The following CDH26 variants were observed in gnomAD, a reference collection of about 807,000 sequenced individuals.
The protein encoded by CDH26 is cadherin 26.
CDH26 carries 83 observed loss-of-function variants against 90.3 expected under a neutral mutation model. The ratio of observed to expected loss-of-function variants is 0.92; its 90% CI spans 0.77 to 1.10. The LOEUF is 1.10. Among genes scored for constraint, CDH26 ranks in the 50% least tolerant of loss-of-function variants. CDH26 has a pLI of 0.00. For synonymous variants in CDH26, 397 were observed against 396.3 expected (o/e 1.00, Z -0.02); for missense variants, 1,013 against 1,037.6 (o/e 0.98, Z 0.33).
At chr20:59,991,422 C>G (rs1176969160) in intron 9 of CDH26, among the ~76,000 whole-genome samples, 1 of 152,192 alleles carries the variant, frequency 6.6e-6, no homozygotes, top group Non-Finnish European at 1.5e-5. Flanking sequence ...TCCTCTAGTT[C>G]TGCTTCATCT....
chr20:60,002,504 G>A (rs754076898), intron 15 of CDH26, among the ~76,000 whole-genome samples: 2 of 152,056 alleles, frequency 1.3e-5, no homozygotes, highest in African/African-American at 2.4e-5. Context: ...TGTGCCGCTA[G>A]GCCTGGGTCC....
At position 59,967,943 on chromosome 20, in the gene CDH26, CTTT is replaced by C. The variant is rs1569024638; in HGVS notation, c.70-1023_70-1021del. ...CCTTTCCTTTCCTTTCCCTTTCTTT[CTTT>C]CTTTCTTTCTATCTTTCTTTCTTTC... On this transcript the variant is annotated intron_variant, in intron 1 of 17. Coordinates refer to ENST00000348616, the MANE Select transcript of CDH26 (RefSeq NM_177980.4). Among the ~76,000 whole-genome samples, 138 of 105,916 alleles carry C rather than the reference CTTT, an allele frequency of 1.3e-3. 3 individuals carry two copies. Among genetic ancestry groups the C allele is most frequent in the African/African-American group, 5.8e-3 (104 of 17,900 alleles). 69.5% of individuals were successfully genotyped at this position (105,916 alleles called of 152,430 possible).
downstream of CDH26, among the ~76,000 whole-genome samples, chr20:60,017,753 T>G (rs2061917550): frequency 6.6e-6 from 1 of 152,090 alleles, no homozygotes; most frequent in African/African-American, 2.4e-5. Context: ...TACTTTAAAC[T>G]TGCCTCTTAC....
At chr20:59,981,557 CAT>C (rs2061395286) in intron 4 of CDH26, among the ~76,000 whole-genome samples, 1 of 152,088 alleles carries the variant, frequency 6.6e-6, no homozygotes, top group Non-Finnish European at 1.5e-5. Flanking sequence ...TATCTTGTGA[CAT>C]TGCTGAAATT....
intron 1 of CDH26, among the ~76,000 whole-genome samples, chr20:59,961,302 G>T (rs1163607141): frequency 6.6e-6 from 1 of 152,136 alleles, no homozygotes; most frequent in Non-Finnish European, 1.5e-5. Context: ...GTTGGGTGGG[G>T]GTGGGCAGTG....
intron 17 of CDH26, among the ~76,000 whole-genome samples, 180 bp from the exon 18 acceptor site, chr20:60,012,347 A>G (rs1218328008): frequency 1.3e-5 from 2 of 152,096 alleles, no homozygotes; most frequent in African/African-American, 4.8e-5. Flanking sequence ...GTAAGGTGGG[A>G]TGTCTCCCCT....
intron 8 of CDH26, chr20:60,033,351 G>T (rs374428765): frequency 8.5e-7 from 1 of 1,170,206 alleles, no homozygotes; most frequent in Non-Finnish European, 1.1e-6. Context: ...CCTCCTTCGT[G>T]TACACAGGCT....
At chr20:60,008,152 A>G (rs168982) in intron 17 of CDH26, among the ~76,000 whole-genome samples, 30,876 of 152,162 alleles carry the variant, frequency 0.2, 7,156 homozygotes, top group African/African-American at 0.57. Context: ...ACTCAGGCCT[A>G]TGGAATGATA....
Position 60,030,602 on chromosome 20 carries a change from G to C in CDH26, c.948-629G>C, listed in dbSNP as rs571907311. On this transcript the variant is annotated intron_variant, in intron 7 of 8. Coordinates refer to the CDH26 transcript ENST00000370991. The surrounding 1 kb of genome is among the most constrained non-coding windows in gnomAD (Gnocchi z 4.0). Reference sequence around the variant, plus strand: ...CAGAGATGTGCATTTTACCCAAACTGAGCCAGTGAGAGTGGGGCCCAGGGT... The same window carrying C: ...CAGAGATGTGCATTTTACCCAAACTCAGCCAGTGAGAGTGGGGCCCAGGGT... Among the ~76,000 whole-genome samples, 1 of 152,260 alleles carries C rather than the reference G, an allele frequency of 6.6e-6. No individual in the cohort carries two copies. Among genetic ancestry groups the C allele is most frequent in the Non-Finnish European group, 1.5e-5 (1 of 68,022 alleles).
At position 59,996,707 on chromosome 20, in the gene CDH26, A is replaced by G; in HGVS notation, c.1965A>G (p.Glu655=). 6.2e-7 allele frequency: 1 copy of G among 1,614,256 alleles called. No individual in the cohort carries two copies. Among genetic ancestry groups the G allele is most frequent in the Non-Finnish European group, 8.5e-7 (1 of 1,180,046 alleles). Residue 655 remains glutamate, a synonymous_variant, in exon 13 of 18, where the codon GAA becomes GAG. Coordinates refer to ENST00000348616, the MANE Select transcript of CDH26 (RefSeq NM_177980.4). ...ATGGATGCTCTGTATCCAATGATGA[A>G]GGCCACCAAACACTGGTCATGTATA... ...KRHGCSVSND[E]GHQTLVMYNA... is the part of the protein sequence containing the mutation.
intron 7 of CDH26, among the ~76,000 whole-genome samples, chr20:60,028,608 A>G (rs760407551): frequency 6.6e-6 from 1 of 152,186 alleles, no homozygotes; most frequent in Admixed American, 6.5e-5. Context: ...GGGACACAGC[A>G]TGGGCAACAG....
chr20:59,984,578 T>G, intron 5 of CDH26, 61 bp from the exon 6 acceptor site: 2 of 1,403,524 alleles, frequency 1.4e-6, no homozygotes, highest in Non-Finnish European at 2.0e-6. Context: ...TAATTCATCC[T>G]CTTACTGGTT....
At position 60,021,816 on chromosome 20, in the gene CDH26, C is replaced by T. The variant is rs936128149; in HGVS notation, c.948-9415C>T. On this transcript the variant is annotated intron_variant, in intron 7 of 8. Coordinates refer to the CDH26 transcript ENST00000370991. ...TTATGAATTTTTAGTTTGCTGTCTT[C>T]TTTGTGTATTTTGAAGCCGATATCC... Among the ~76,000 whole-genome samples the T allele has an allele frequency of 4.2e-3, 579 of 138,696 alleles. 4 individuals are homozygous for T. Among genetic ancestry groups the T allele is most frequent in the Admixed American group, 6.5e-3 (87 of 13,332 alleles). 91.0% of individuals were successfully genotyped at this position (138,696 alleles called of 152,430 possible).
intron 11 of CDH26, among the ~76,000 whole-genome samples, chr20:59,995,225 T>C (rs1365996309): frequency 6.6e-6 from 1 of 152,132 alleles, no homozygotes; most frequent in Non-Finnish European, 1.5e-5. Flanking sequence ...GACACCAGTG[T>C]CTCTTTACCT....
intron 7 of CDH26, among the ~76,000 whole-genome samples, 179 bp downstream of exon 7, chr20:59,985,308 C>T (rs2061442768): frequency 6.6e-6 from 1 of 152,134 alleles, no homozygotes; most frequent in Admixed American, 6.5e-5. Context: ...GCAGGCTTTA[C>T]AGGAAGCCTG....
intron 4 of CDH26, 54 bp downstream of exon 4, chr20:59,972,177 G>T: frequency 6.5e-7 from 1 of 1,527,116 alleles, no homozygotes; most frequent in South Asian, 1.2e-5. Flanking sequence ...TTGCAAGACT[G>T]TTGTATTTGG....
intron 15 of CDH26, among the ~76,000 whole-genome samples, chr20:60,002,526 G>A (rs573814385): frequency 7.2e-5 from 11 of 152,210 alleles, no homozygotes; most frequent in African/African-American, 2.4e-4. Flanking sequence ...AGGAGTGGAT[G>A]TGTGTCATTT....
chr20:60,018,423 C>A (rs1286098247), downstream of CDH26, among the ~76,000 whole-genome samples: 2 of 152,116 alleles, frequency 1.3e-5, no homozygotes, highest in African/African-American at 2.4e-5. Context: ...TATAGCTACT[C>A]CAGCTCACTT....
intron 12 of CDH26, 71 bp from the exon 13 acceptor site, chr20:59,996,560 A>T (rs534305729): frequency 6.2e-7 from 1 of 1,614,242 alleles, no homozygotes; most frequent in Non-Finnish European, 8.5e-7. Context: ...CATGAACAGA[A>T]CAAGATCCTC....
Sources: gnomAD v4.1 joint callset for allele counts (sites outside exome capture counted in the v4.1 genomes callset) on GRCh38, gnomAD v4.1.1 for gene constraint, Gnocchi (gnomAD v3.1) non-coding constraint, MANE v1.5 for transcripts, NCBI Gene and HGNC (gene_info 2026-07-23, HGNC 2026-07-21) for gene names.